RUNX3: variants seen among roughly 807,000 people sequenced by gnomAD.
RUNX3 encodes runt-related transcription factor 3.
Under a neutral mutation model 27.7 loss-of-function variants are expected in RUNX3, and 10 were observed. That is an observed-to-expected ratio of 0.36 (90% confidence interval 0.22 to 0.61). RUNX3 has a LOEUF of 0.61. Ranked by LOEUF, RUNX3 falls within the 20% of genes least tolerant of loss-of-function variation. The pLI is 0.72. For missense variants in RUNX3, 469 were observed against 629.5 expected (o/e 0.75, Z 2.73); for synonymous variants, 270 against 269.2 (o/e 1.00, Z -0.03).
intron 2 of RUNX3, among the ~76,000 whole-genome samples, chr1:24,926,171 G>A (rs1571321867): frequency 6.6e-6 from 1 of 152,172 alleles, no homozygotes; most frequent in South Asian, 2.1e-4. Context: ...CCACTGCCCC[G>A]CAGTCAGCAG....
At chr1:24,956,737 G>T (rs1641939140) in intron 2 of RUNX3, among the ~76,000 whole-genome samples, 1 of 152,226 alleles carries the variant, frequency 6.6e-6, no homozygotes, top group South Asian at 2.1e-4. Context: ...ACAGGTGCTG[G>T]TCCTCAGCCC....
rs756828615 is a variant in RUNX3 at position 24,902,410 on chromosome 1, G to A, written c.960C>T (p.Ser320=). 4.3e-6 allele frequency: 7 copies of A among 1,612,282 alleles called. No homozygotes were observed. Among genetic ancestry groups the A allele is most frequent in the Middle Eastern group, 1.7e-4 (1 of 6,012 alleles). ...GGGACGGGTTGGCCTGGAAGGGCCCGCTCTGGTTCTGCGGGGCCCCCGGGT... is the reference window on the plus strand; with the variant it reads ...GGGACGGGTTGGCCTGGAAGGGCCCACTCTGGTTCTGCGGGGCCCCCGGGT... The part of the protein sequence containing the change: ...PPYPGAPQNQ[S]GPFQANPSPY... Residue 320 remains serine, a synonymous_variant, in exon 5 of 5, where the codon AGC becomes AGT. Transcript: ENST00000308873. The surrounding 1 kb of genome is among the most constrained non-coding windows in gnomAD (Gnocchi z 9.2).
chr1:24,907,066 C>T (rs1275631979), intron 4 of RUNX3, among the ~76,000 whole-genome samples, 193 bp downstream of exon 4: 2 of 152,194 alleles, frequency 1.3e-5, no homozygotes, highest in Non-Finnish European at 2.9e-5. Context: ...GCTGAGTGAA[C>T]GAATGATGGC....
rs562983775 is a variant in RUNX3, at chr1:24,964,736, C to A, written c.-97-68G>T. Reference sequence around the variant, plus strand: ...TTGTTTTGTTTTTGTCTCTTTTTTCCCCCCTGCTGCTACGAAAAAGAAAAA... The same window carrying A: ...TTGTTTTGTTTTTGTCTCTTTTTTCACCCCTGCTGCTACGAAAAAGAAAAA... On this transcript the variant is annotated intron_variant, in intron 1 of 6. Coordinates refer to the RUNX3 transcript ENST00000338888. 39 of 1,452,986 alleles carry A rather than the reference C, an allele frequency of 2.7e-5. No homozygotes were observed. In the East Asian group the frequency reaches 5.0e-4, roughly 19 times the overall value. 90.0% of individuals were successfully genotyped at this position (1,452,986 alleles called of 1,614,324 possible).
chr1:24,945,956 C>T (rs1412110006), intron 2 of RUNX3, among the ~76,000 whole-genome samples: 1 of 152,166 alleles, frequency 6.6e-6, no homozygotes, highest in Non-Finnish European at 1.5e-5. Context: ...ACTGTGACCT[C>T]CCTGAGAACG....
At chr1:24,964,672 T>C (rs1642212369) in intron 1 of RUNX3, 5 of 1,521,818 alleles carry the variant, frequency 3.3e-6, no homozygotes, top group Middle Eastern at 1.7e-4. Context: ...CTAGCTACTT[T>C]TGAAAATAAA....
chr1:24,948,979 AT>A (rs1351765161), intron 2 of RUNX3, among the ~76,000 whole-genome samples: 3 of 151,986 alleles, frequency 2.0e-5, no homozygotes, highest in Non-Finnish European at 2.9e-5. Context: ...TACAAATAAT[AT>A]GAGCACAATG....
At chr1:24,915,149 T>C (rs1254597455) in intron 3 of RUNX3, among the ~76,000 whole-genome samples, 1 of 152,024 alleles carries the variant, frequency 6.6e-6, no homozygotes, top group Non-Finnish European at 1.5e-5. Flanking sequence ...GGGGGCCGGG[T>C]GCGGTGGCTC....
At chr1:24,959,458 T>C (rs895916988) in intron 2 of RUNX3, among the ~76,000 whole-genome samples, 1 of 152,100 alleles carries the variant, frequency 6.6e-6, no homozygotes, top group Admixed American at 6.5e-5. Flanking sequence ...GCAAGCGCCA[T>C]AGTGGGCACG....
intron 2 of RUNX3, among the ~76,000 whole-genome samples, chr1:24,924,375 G>GA (rs1298856600): frequency 2.0e-5 from 3 of 149,696 alleles, no homozygotes; most frequent in Non-Finnish European, 4.5e-5. Flanking sequence ...AAAAGTAAAA[G>GA]AAAAAAAAAT....
intron 2 of RUNX3, among the ~76,000 whole-genome samples, chr1:24,964,247 G>A (rs934927718): frequency 2.6e-5 from 4 of 152,334 alleles, no homozygotes; most frequent in African/African-American, 9.6e-5. Context: ...TCTGAGGGCT[G>A]CCCTTTGAGG....
chr1:24,918,836 C>T (rs1640939497), intron 3 of RUNX3, among the ~76,000 whole-genome samples: 1 of 152,230 alleles, frequency 6.6e-6, no homozygotes, highest in African/African-American at 2.4e-5. Context: ...GCCAGACCAG[C>T]CCCTGACTTT....
At chr1:24,960,682 C>T (rs1303142947) in intron 2 of RUNX3, among the ~76,000 whole-genome samples, 1 of 152,042 alleles carries the variant, frequency 6.6e-6, no homozygotes, top group Non-Finnish European at 1.5e-5. Flanking sequence ...GGGGGGTGCC[C>T]CAGGGGGTGC....
At chr1:24,930,395 C>T (rs1172977729), upstream of RUNX3, 3 of 241,844 alleles carry the variant, frequency 1.2e-5, no homozygotes, top group Non-Finnish European at 2.0e-5. This position sits in a 1 kb window ranked among gnomAD's most constrained non-coding sequence, Gnocchi z 4.1. Context: ...CGGTGGCGTT[C>T]GCGGGGAGGA....
At chr1:24,926,220 G>A (rs1641097443) in intron 2 of RUNX3, among the ~76,000 whole-genome samples, 1 of 152,196 alleles carries the variant, frequency 6.6e-6, no homozygotes, top group Non-Finnish European at 1.5e-5. Flanking sequence ...AAGGACCAGT[G>A]ACTGTCCTCT....
chr1:24,962,736 C>T lies in RUNX3; in HGVS notation c.58+1778G>A, dbSNP rs1359861710. 3.3e-5 allele frequency among the ~76,000 whole-genome samples: 5 copies of T among 152,178 alleles called. No homozygotes were observed. Among genetic ancestry groups the T allele is most frequent in the Admixed American group, 2.0e-4 (3 of 15,280 alleles). On this transcript the variant is annotated intron_variant, in intron 2 of 6. Transcript: ENST00000338888. The surrounding 1 kb of genome is among the most constrained non-coding windows in gnomAD (Gnocchi z 4.5). ...TGCCCAGCGGCCTCCTGTCTCTGGG[C>T]GCATACATGACATGTTGGGCCAAAG... is the stretch of plus-strand genomic sequence containing the variant.
intron 1 of RUNX3, chr1:24,929,335 C>T (rs1161413182): frequency 2.9e-6 from 2 of 688,610 alleles, no homozygotes; most frequent in Non-Finnish European, 5.3e-6. Context: ...GCACCAACGT[C>T]TCTACGCAAG....
intron 3 of RUNX3, among the ~76,000 whole-genome samples, chr1:24,918,264 C>A (rs1640926613): frequency 2.6e-5 from 4 of 152,272 alleles, no homozygotes; most frequent in Admixed American, 2.0e-4. Flanking sequence ...CAGGCCTGCT[C>A]AGCCTAGAAT....
chr1:24,939,338 AGTGCAGCCACAG>A (rs1470252953), intron 2 of RUNX3, among the ~76,000 whole-genome samples: 1 of 152,256 alleles, frequency 6.6e-6, no homozygotes, highest in East Asian at 1.9e-4. Flanking sequence ...GCATTGTTAC[AGTGCAGCCACAG>A]GTGCAAACAG....
Sources: gnomAD v4.1 joint callset for allele counts (sites outside exome capture counted in the v4.1 genomes callset) on GRCh38, gnomAD v4.1.1 for gene constraint, Gnocchi (gnomAD v3.1) non-coding constraint, MANE v1.5 for transcripts, NCBI Gene and HGNC (gene_info 2026-07-23, HGNC 2026-07-21) for gene names.